PMEPA1: variants seen among roughly 807,000 people sequenced by gnomAD.
The protein encoded by PMEPA1 is prostate transmembrane protein, androgen induced 1.
PMEPA1 carries 11 observed loss-of-function variants against 23.0 expected under a neutral mutation model. The observed-to-expected ratio is 0.48, with a 90% CI of 0.30 to 0.79. PMEPA1 has a LOEUF of 0.79. Among genes scored for constraint, PMEPA1 ranks in the 30% least tolerant of loss-of-function variants. PMEPA1 has a pLI of 0.06. For missense variants in PMEPA1, 377 were observed against 390.9 expected, an observed-to-expected ratio of 0.96 and a Z score of 0.30; for synonymous variants, 204 against 166.4, an observed-to-expected ratio of 1.23 and a Z score of -1.74.
chr20:57,652,549 G>C lies in PMEPA1; in HGVS notation c.368C>G (p.Pro123Arg). Residue 123 changes from proline (P) to arginine (R), a missense_variant, in exon 4 of 4, where the codon CCC becomes CGC. By Grantham distance (103) the Pro-to-Arg change is moderately radical (BLOSUM62 -2). Around this residue, in one of 3 missense-constraint regions of PMEPA1, gnomAD observed 198 missense variants for 196.3 expected, o/e 1.01. Transcript: ENST00000341744. The surrounding 1 kb of genome is among the most constrained non-coding windows in gnomAD (Gnocchi z 6.1). Reference sequence around the variant, plus strand: ...GTGGAAGCGCTCCCGCTGGGCGAAGGGCGGCACGGCCAGGCGGTCGGTGGG... The same window carrying C: ...GTGGAAGCGCTCCCGCTGGGCGAAGCGCGGCACGGCCAGGCGGTCGGTGGG... ...PRPTDRLAVP[P>R]FAQRERFHRF... The C allele has an allele frequency of 6.5e-7, 1 of 1,537,878 alleles. No homozygotes were observed. The highest frequency in any genetic ancestry group is 8.8e-7 in the Non-Finnish European group (1 of 1,141,864).
chr20:57,659,100 G>A (rs768273171), intron 2 of PMEPA1, among the ~76,000 whole-genome samples: 14 of 152,216 alleles, frequency 9.2e-5, no homozygotes, highest in Non-Finnish European at 1.5e-4. Flanking sequence ...CTCCCTAGCC[G>A]AGGGTTCCTC....
At chr20:57,693,798 GA>G in intron 1 of PMEPA1, among the ~76,000 whole-genome samples, 1 of 152,192 alleles carries the variant, frequency 6.6e-6, no homozygotes, top group Non-Finnish European at 1.5e-5. Flanking sequence ...CCTGGGGCAG[GA>G]TACAGACACT....
chr20:57,654,798 C>T (rs1009711484), intron 2 of PMEPA1, among the ~76,000 whole-genome samples: 3 of 152,168 alleles, frequency 2.0e-5, no homozygotes, highest in Non-Finnish European at 2.9e-5. Context: ...GGAGGGCTGG[C>T]GAGCCTGCGT....
chr20:57,651,949 G>T lies in PMEPA1; in HGVS notation c.*104C>A. 1.1e-6 allele frequency: 1 copy of T among 910,122 alleles called. No individual in the cohort carries two copies. The highest frequency in any genetic ancestry group is 1.6e-6 in the Non-Finnish European group (1 of 632,616). The allele number at this position is 910,122 out of a possible 1,614,324, so 56.4% of individuals were successfully genotyped here. Reference sequence around the variant, plus strand: ...GGGAGGTGGGAGGGGAGGGCCACACGATGCGTTGCTGCGCCCCCCGCCTTC... The same window carrying T: ...GGGAGGTGGGAGGGGAGGGCCACACTATGCGTTGCTGCGCCCCCCGCCTTC... On this transcript the variant is annotated 3_prime_UTR_variant, in exon 4 of 4. Coordinates refer to ENST00000341744, the MANE Select transcript of PMEPA1 (RefSeq NM_020182.5).
chr20:57,680,901 T>C (rs1224725193), intron 1 of PMEPA1, among the ~76,000 whole-genome samples: 1 of 152,028 alleles, frequency 6.6e-6, no homozygotes, highest in Non-Finnish European at 1.5e-5. Flanking sequence ...TGAGGGAAAG[T>C]GGCGGAGAGC....
intron 1 of PMEPA1, among the ~76,000 whole-genome samples, chr20:57,697,568 G>T (rs1240650287): frequency 6.6e-6 from 1 of 152,226 alleles, no homozygotes; most frequent in East Asian, 1.9e-4. Flanking sequence ...GACACGCTTT[G>T]CACTTGGCCC....
intron 1 of PMEPA1, among the ~76,000 whole-genome samples, chr20:57,675,981 C>T (rs945775707): frequency 6.6e-6 from 1 of 152,288 alleles, no homozygotes; most frequent in Non-Finnish European, 1.5e-5. Flanking sequence ...CCCCGCCCCA[C>T]AGGCGAGGCT....
chr20:57,659,111 G>A (rs1449770254), intron 2 of PMEPA1, among the ~76,000 whole-genome samples: 1 of 152,168 alleles, frequency 6.6e-6, no homozygotes, highest in Non-Finnish European at 1.5e-5. Context: ...AGGGTTCCTC[G>A]CAGAGGCTCC....
intron 1 of PMEPA1, among the ~76,000 whole-genome samples, chr20:57,690,822 G>A (rs2071872589): frequency 1.3e-5 from 2 of 152,214 alleles, no homozygotes; most frequent in Non-Finnish European, 2.9e-5. Flanking sequence ...CGGGGGTTCT[G>A]GAACTTGCAC....
intron 1 of PMEPA1, among the ~76,000 whole-genome samples, chr20:57,689,569 G>C (rs993714269): frequency 2.0e-5 from 3 of 152,182 alleles, no homozygotes; most frequent in Admixed American, 2.0e-4. Flanking sequence ...AATGAAACTC[G>C]GGGAATCCTC....
Position 57,709,475 on chromosome 20 carries a change from G to A in PMEPA1, c.108C>T (p.Ile36=), listed in dbSNP as rs751108730. ...GGAGGGGGGCGTGGGGTCACTCACT[G>A]ATCTCCATGCTCTGGAACAAAGAGC... ...CKRSLFQSME[I]TELEFVQIII... Residue 36 remains isoleucine (I), a splice_region_variant and synonymous_variant, in exon 1 of 4, where the codon ATC becomes ATT. Transcript: ENST00000341744. 1.8e-6 allele frequency: 2 copies of A among 1,126,262 alleles called. No individual in the cohort carries two copies. The highest frequency in any genetic ancestry group is 2.2e-6 in the Non-Finnish European group (2 of 901,926). 69.8% of individuals were successfully genotyped at this position (1,126,262 alleles called of 1,614,324 possible).
At chr20:57,697,490 T>C (rs1484993940) in intron 1 of PMEPA1, among the ~76,000 whole-genome samples, 1 of 152,238 alleles carries the variant, frequency 6.6e-6, no homozygotes, top group Non-Finnish European at 1.5e-5. Flanking sequence ...TCTACAGGGT[T>C]ACTGGCAAAT....
intron 1 of PMEPA1, among the ~76,000 whole-genome samples, chr20:57,669,811 C>T (rs1442796332): frequency 3.9e-5 from 6 of 151,932 alleles, no homozygotes; most frequent in Non-Finnish European, 8.8e-5. Context: ...ACATCCCTTC[C>T]GTGTAATACA....
At position 57,683,562 on chromosome 20, in the gene PMEPA1, T is replaced by TGC. The variant is rs1555882193; in HGVS notation, c.110-23866_110-23865insGC. On this transcript the variant is annotated intron_variant, in intron 1 of 3. Coordinates refer to ENST00000341744, the MANE Select transcript of PMEPA1 (RefSeq NM_020182.5). This position sits in a 1 kb window ranked among gnomAD's most constrained non-coding sequence, Gnocchi z 4.3. The stretch of plus-strand genomic sequence containing the variant: ...GTGTTCTGGCCTGTGTGCGTGTGTG[T>TGC]GTGTGTGTGTGTGTGTGTGTGTTTC... Among the ~76,000 whole-genome samples the TGC allele has an allele frequency of 7.5e-4, 98 of 131,204 alleles. 2 individuals carry two copies. Among genetic ancestry groups the TGC allele is most frequent in the Middle Eastern group, 7.3e-3 (2 of 274 alleles). The allele number at this position is 131,204 out of a possible 152,430, so 86.1% of individuals were successfully genotyped here. A position where few individuals can be genotyped will look rare whatever the true frequency, so the allele number is the denominator to read the frequency against.
intron 1 of PMEPA1, among the ~76,000 whole-genome samples, chr20:57,671,871 C>T (rs951004152): frequency 1.1e-4 from 17 of 152,346 alleles, no homozygotes; most frequent in African/African-American, 3.1e-4. Flanking sequence ...GATTGCCAAA[C>T]GCCCCCTGTG....
At chr20:57,658,573 C>A (rs1263220148) in intron 2 of PMEPA1, among the ~76,000 whole-genome samples, 2 of 152,178 alleles carry the variant, frequency 1.3e-5, no homozygotes, top group African/African-American at 4.8e-5. Context: ...AATGACCAGA[C>A]CCGTGCTCTG....
At chr20:57,710,614 T>G, upstream of PMEPA1, 1 of 719,100 alleles carries the variant, frequency 1.4e-6, no homozygotes. Context: ...GCCCTTGTCA[T>G]GTAAATAGCT....
At chr20:57,697,429 C>T (rs2071955965) in intron 1 of PMEPA1, among the ~76,000 whole-genome samples, 1 of 152,200 alleles carries the variant, frequency 6.6e-6, no homozygotes, top group Admixed American at 6.5e-5. Context: ...CTCAACATCC[C>T]TCATCTATAC....
At chr20:57,653,160 G>A (rs956030231) in intron 2 of PMEPA1, 74 bp from the exon 3 acceptor site, 17 of 1,231,440 alleles carry the variant, frequency 1.4e-5, no homozygotes, top group Middle Eastern at 1.9e-4. Flanking sequence ...ACCCAGATTC[G>A]ACTCTTAGGC....
Sources: gnomAD v4.1 joint callset for allele counts (sites outside exome capture counted in the v4.1 genomes callset) on GRCh38, gnomAD v4.1.1 for gene constraint, gnomAD v4.1.1 regional missense constraint, Gnocchi (gnomAD v3.1) non-coding constraint, MANE v1.5 for transcripts, NCBI Gene and HGNC (gene_info 2026-07-23, HGNC 2026-07-21) for gene names.